The following BCAP29 variants were observed in gnomAD, a reference collection of about 807,000 sequenced individuals.
BCAP29 encodes B cell receptor associated protein 29.
A neutral mutation model predicts 31.8 loss-of-function variants in BCAP29; 34 were observed. The ratio of observed to expected loss-of-function variants is 1.07; its 90% confidence interval spans 0.81 to 1.42. BCAP29 has a LOEUF of 1.42. BCAP29 is among the 40% of genes most tolerant of loss of function. The pLI, the probability that BCAP29 is intolerant of heterozygous loss-of-function variation, is 0.00. For missense variants in BCAP29, 314 were observed against 269.2 expected (o/e 1.17, Z -1.16); for synonymous variants, 104 against 91.3 (o/e 1.14, Z -0.79).
At chr7:107,622,864 C>A (rs1000858358), downstream of BCAP29, 3 of 152,184 alleles carry the variant, frequency 2.0e-5, no homozygotes, top group African/African-American at 7.2e-5. Context: ...GCAGTAGATG[C>A]TTGTGGCAGA....
At chr7:107,609,751 A>C (rs1223300239) in intron 6 of BCAP29, among the ~76,000 whole-genome samples, 2 of 152,232 alleles carry the variant, frequency 1.3e-5, no homozygotes, top group Non-Finnish European at 2.9e-5. Flanking sequence ...TCATTGGCAA[A>C]GGAGTAGTAC....
At chr7:107,591,974 A>T (rs1305084575) in intron 3 of BCAP29, among the ~76,000 whole-genome samples, 1 of 151,884 alleles carries the variant, frequency 6.6e-6, no homozygotes, top group Non-Finnish European at 1.5e-5. Context: ...AAAAAAAGAG[A>T]CAGGGTCTTG....
downstream of BCAP29, chr7:107,621,448 C>A: frequency 3.7e-6 from 1 of 270,440 alleles, no homozygotes; most frequent in South Asian, 4.2e-5. Flanking sequence ...ATTTCAAACA[C>A]TTTAGGAACT....
At position 107,618,313 on chromosome 7, in the gene BCAP29, T is replaced by C. The variant is rs1562801671; in HGVS notation, c.691-15T>C. 2.6e-6 allele frequency: 4 copies of C among 1,544,834 alleles called. No individual in the cohort carries two copies. The East Asian group carries it at 6.8e-5, about 26-fold the overall frequency. ...TCTTTGCTGTACTACATAAATCATA[T>C]TTTTTTCCTTACAGGATCGTTTAGA... is the stretch of plus-strand genomic sequence containing the variant. On this transcript the variant is annotated splice_polypyrimidine_tract_variant and intron_variant, in intron 7 of 7. Transcript: ENST00000005259.
chr7:107,608,301 AC>A (rs1812514419), intron 6 of BCAP29, among the ~76,000 whole-genome samples: 1 of 152,078 alleles, frequency 6.6e-6, no homozygotes, highest in African/African-American at 2.4e-5. Context: ...TCTGTTGTCT[AC>A]CATTTGTTTG....
rs531509226 is a variant in BCAP29 at position 107,596,917 on chromosome 7, GA to G, written c.480+916del. Among the ~76,000 whole-genome samples the G allele has an allele frequency of 4.4e-3, 664 of 152,280 alleles. 2 individuals are homozygous for G. Among genetic ancestry groups the G allele is most frequent in the African/African-American group, 0.015 (635 of 41,550 alleles). ...GATTACCAATTCCTTGACCCTGCGTGATTTATTCTTTCTGTTTGTTTGTTTT... is the reference window on the plus strand; with the variant it reads ...GATTACCAATTCCTTGACCCTGCGTGTTTATTCTTTCTGTTTGTTTGTTTT... On this transcript the variant is annotated intron_variant, in intron 5 of 7. Transcript: ENST00000005259.
At chr7:107,584,262 C>G (rs543029687) in intron 3 of BCAP29, among the ~76,000 whole-genome samples, 3 of 152,228 alleles carry the variant, frequency 2.0e-5, no homozygotes, top group African/African-American at 7.2e-5. Flanking sequence ...TTCAGAGTTA[C>G]CAGACTTTAT....
In BCAP29 at chr7:107,586,358, A is replaced by G. The variant is rs897050456; in HGVS notation, c.193+2376A>G. 3.9e-5 allele frequency among the ~76,000 whole-genome samples: 6 copies of G among 152,174 alleles called. No individual in the cohort carries two copies. In the East Asian group the frequency reaches 9.6e-4, roughly 24 times the overall value. On this transcript the variant is annotated intron_variant, in intron 3 of 7. Coordinates refer to ENST00000005259, the MANE Select transcript of BCAP29 (RefSeq NM_018844.4). Reference sequence around the variant, plus strand: ...ACCAGTTATCTACTCCTCATCTCCTATAACCAGGAAGGTCACAAGGGAGAA... The same window carrying G: ...ACCAGTTATCTACTCCTCATCTCCTGTAACCAGGAAGGTCACAAGGGAGAA...
chr7:107,602,312 G>A (rs1039015989), intron 6 of BCAP29, among the ~76,000 whole-genome samples: 2 of 152,114 alleles, frequency 1.3e-5, no homozygotes, highest in Admixed American at 6.5e-5. Context: ...TCAGAGTTCC[G>A]TTTCTAAAGA....
chr7:107,596,719 ATTC>A (rs1204184453), intron 5 of BCAP29, among the ~76,000 whole-genome samples: 1 of 152,098 alleles, frequency 6.6e-6, no homozygotes, highest in Non-Finnish European at 1.5e-5. Context: ...TTTTTCTCTT[ATTC>A]TTTAGCTCTA....
chr7:107,620,001 A>G lies in BCAP29; in HGVS notation c.*1638A>G, dbSNP rs1230666002. Reference sequence around the variant, plus strand: ...GGTCAGGATTACTATATAAACTAAGATAATACAGTGATTCTCAAAGTTGTT... The same window carrying G: ...GGTCAGGATTACTATATAAACTAAGGTAATACAGTGATTCTCAAAGTTGTT... On this transcript the variant is annotated 3_prime_UTR_variant, in exon 8 of 8. Transcript: ENST00000005259. 1 of 152,244 alleles carries G rather than the reference A, an allele frequency of 6.6e-6. No homozygotes were observed. The highest frequency in any genetic ancestry group is 1.5e-5 in the Non-Finnish European group (1 of 68,040). 9.4% of individuals were successfully genotyped at this position (152,244 alleles called of 1,614,324 possible).
rs372162991 is a variant in BCAP29, at chr7:107,595,890, T to A, written c.368T>A (p.Leu123His). ...AGAGTTTTGAGACGTCTGGTTACGCTTATTACTCAACTGGCAAAAGAACTG... is the reference window on the plus strand; with the variant it reads ...AGAGTTTTGAGACGTCTGGTTACGCATATTACTCAACTGGCAAAAGAACTG... ...FWLVLRRLVTLITQLAKELSN... is the reference protein window; with the variant it reads ...FWLVLRRLVTHITQLAKELSN... The change falls in exon 5 of 8, where the codon CTT becomes CAT. Residue 123 changes from leucine (L) to histidine (H), a missense_variant. Physicochemically the swap from Leu to His is moderately conservative, Grantham distance 99. Transcript: ENST00000005259. 11 of 1,603,990 alleles carry A rather than the reference T, an allele frequency of 6.9e-6. No homozygotes were observed. The highest frequency in any genetic ancestry group is 2.3e-5 in the East Asian group (1 of 44,384).
intron 4 of BCAP29, among the ~76,000 whole-genome samples, chr7:107,594,631 A>T (rs796277578): frequency 5.9e-5 from 9 of 152,100 alleles, no homozygotes; most frequent in African/African-American, 2.2e-4. Context: ...CCTCCTGAGT[A>T]GCTGGGAGTA....
intron 3 of BCAP29, among the ~76,000 whole-genome samples, chr7:107,592,234 G>A (rs758620657): frequency 6.6e-6 from 1 of 152,012 alleles, no homozygotes; most frequent in Non-Finnish European, 1.5e-5. Flanking sequence ...AAGACATTTG[G>A]GAGACAAATA....
intron 5 of BCAP29, 93 bp from the exon 6 acceptor site, chr7:107,600,304 T>G (rs1278565152): frequency 1.3e-6 from 1 of 755,430 alleles, no homozygotes; most frequent in African/African-American, 1.7e-5. Context: ...TATAAACAGG[T>G]AAGTTTAGAT....
At chr7:107,588,591 G>A (rs1808142296) in intron 3 of BCAP29, among the ~76,000 whole-genome samples, 1 of 152,160 alleles carries the variant, frequency 6.6e-6, no homozygotes, top group Non-Finnish European at 1.5e-5. Context: ...CTAGAGGGAC[G>A]TCAACCCTTA....
Position 107,607,227 on chromosome 7 carries a change from G to T in BCAP29, c.590-6105G>T, listed in dbSNP as rs557717153. Among the ~76,000 whole-genome samples the T allele has an allele frequency of 2.4e-4, 36 of 152,320 alleles. No homozygotes were observed. The East Asian group carries it at 6.8e-3, about 29-fold the overall frequency. On this transcript the variant is annotated intron_variant, in intron 6 of 7. Transcript: ENST00000005259. ...CACTACCCGGGAGGCTGAGGCAGAA[G>T]AATCGCTTGAGCCTGGGAGGCACAG... is the stretch of plus-strand genomic sequence containing the variant.
At chr7:107,597,081 G>A (rs1298516884) in intron 5 of BCAP29, among the ~76,000 whole-genome samples, 2 of 152,154 alleles carry the variant, frequency 1.3e-5, no homozygotes, top group Non-Finnish European at 2.9e-5. Flanking sequence ...AAAAGCAGCT[G>A]TCAGTGCCCA....
intron 5 of BCAP29, among the ~76,000 whole-genome samples, chr7:107,599,260 T>TTA (rs1347340097): frequency 0.019 from 2,203 of 116,676 alleles, 93 homozygotes; most frequent in Middle Eastern, 0.035. Flanking sequence ...TATATAATTT[T>TTA]TATATATATA....
Sources: gnomAD v4.1 joint callset for allele counts (sites outside exome capture counted in the v4.1 genomes callset) on GRCh38, gnomAD v4.1.1 for gene constraint, MANE v1.5 for transcripts, NCBI Gene and HGNC (gene_info 2026-07-23, HGNC 2026-07-21) for gene names.